P4HA1: variants seen among roughly 807,000 people sequenced by gnomAD.
The protein encoded by P4HA1 is prolyl 4-hydroxylase subunit alpha 1, also known as prolyl 4-hydroxylase subunit alpha-1.
Under a neutral mutation model 72.8 loss-of-function variants are expected in P4HA1, and 24 were observed. The ratio of observed to expected loss-of-function variants is 0.33; its 90% CI spans 0.24 to 0.46. The LOEUF (loss-of-function observed/expected upper bound fraction) is 0.46. P4HA1 is among the 20% of genes least tolerant of loss of function. The pLI is 1.00. For missense variants in P4HA1, 446 were observed against 640.6 expected (o/e 0.70, Z 3.28); for synonymous variants, 201 against 218.8 (o/e 0.92, Z 0.72).
Position 73,023,566 on chromosome 10 carries a change from T to C in P4HA1, c.1249-6667A>G, listed in dbSNP as rs547274872. Among the ~76,000 whole-genome samples the C allele has an allele frequency of 2.0e-3, 304 of 152,234 alleles. 3 individuals are homozygous for C. The highest frequency in any genetic ancestry group is 7.0e-3 in the African/African-American group (292 of 41,564). On this transcript the variant is annotated intron_variant, in intron 10 of 14. Transcript: ENST00000394890. ...CATGCCAAATTATAAAGACCATCGA[T>C]GCTATGAAGAAACCGCATCAATTAA...
intron 1 of P4HA1, among the ~76,000 whole-genome samples, chr10:73,093,210 A>G (rs1438569114): frequency 2.6e-5 from 4 of 152,230 alleles, no homozygotes; most frequent in East Asian, 1.9e-4. Flanking sequence ...ATATGGACAC[A>G]TTTTTATGAA....
chr10:73,057,957 A>C lies in P4HA1; in HGVS notation c.464-4367T>G, dbSNP rs573881541. 4.0e-4 allele frequency among the ~76,000 whole-genome samples: 60 copies of C among 151,826 alleles called. 1 individual carries two copies. The South Asian group carries it at 0.013, about 32-fold the overall frequency. ...ATACAAAAAATTAGCCGGGCATGGT[A>C]GCACACGCCTGTAATTCCAACTACT... On this transcript the variant is annotated intron_variant, in intron 5 of 14. Coordinates refer to ENST00000394890, the MANE Select transcript of P4HA1 (RefSeq NM_001017962.3).
rs1183408810 is a variant in P4HA1 at position 73,007,403 on chromosome 10, A to G, written c.*819T>C. On this transcript the variant is annotated 3_prime_UTR_variant, in exon 15 of 15. Transcript: ENST00000394890. The stretch of plus-strand genomic sequence containing the variant: ...TCCTAAGGCACAGTATTTAATCAGA[A>G]TGCCAATATTACCACCCTGCTGTAG... 2 of 152,618 alleles carry G rather than the reference A, an allele frequency of 1.3e-5. No individual in the cohort carries two copies. The highest frequency in any genetic ancestry group is 4.8e-5 in the African/African-American group (2 of 41,446). The allele number at this position is 152,618 out of a possible 1,614,324, so 9.5% of individuals were successfully genotyped here.
chr10:73,045,230 G>T lies in P4HA1; in HGVS notation c.1078-179C>A, dbSNP rs534229631. On this transcript the variant is annotated intron_variant, in intron 8 of 14. Coordinates refer to ENST00000394890, the MANE Select transcript of P4HA1 (RefSeq NM_001017962.3). ...CCAGTTAGTTTTTTAGGTTTTTGGG[G>T]TTTTTTTTTTTTCTTCAATTTTTTG... Among the ~76,000 whole-genome samples the T allele has an allele frequency of 4.1e-3, 589 of 145,258 alleles. 1 individual carries two copies. Among genetic ancestry groups the T allele is most frequent in the African/African-American group, 0.01 (414 of 39,990 alleles).
chr10:73,052,333 C>T (rs1243959334), intron 6 of P4HA1, among the ~76,000 whole-genome samples: 1 of 152,154 alleles, frequency 6.6e-6, no homozygotes, highest in Non-Finnish European at 1.5e-5. Flanking sequence ...TCAGAAACTG[C>T]TCACAATAAA....
At chr10:73,091,079 AAAAAAG>A (rs1842019900) in intron 1 of P4HA1, among the ~76,000 whole-genome samples, 1 of 145,396 alleles carries the variant, frequency 6.9e-6, no homozygotes, top group Non-Finnish European at 1.5e-5. Flanking sequence ...AAAAAAAAAA[AAAAAAG>A]AAGTAACTAA....
intron 9 of P4HA1, among the ~76,000 whole-genome samples, 167 bp from the exon 10 acceptor site, chr10:73,030,537 A>C (rs753389964): frequency 1.3e-5 from 2 of 151,886 alleles, no homozygotes; most frequent in Non-Finnish European, 2.9e-5. Context: ...GGATATTGTA[A>C]TTTTTTTTAA....
rs1027893938 is a variant in P4HA1 at position 73,007,262 on chromosome 10, C to T, written c.*960G>A. ...GATCATAAATAGGTCATTGTTGTCA[C>T]AACACATTTCAGAATCTTAAAAAAA... On this transcript the variant is annotated 3_prime_UTR_variant, in exon 15 of 15. Transcript: ENST00000394890. The T allele has an allele frequency of 4.6e-5, 7 of 151,552 alleles. No individual in the cohort carries two copies. The highest frequency in any genetic ancestry group is 1.7e-4 in the African/African-American group (7 of 40,478). 9.4% of individuals were successfully genotyped at this position (151,552 alleles called of 1,614,324 possible).
chr10:73,088,192 C>G (rs1841961251), intron 1 of P4HA1, among the ~76,000 whole-genome samples: 1 of 152,168 alleles, frequency 6.6e-6, no homozygotes, highest in Non-Finnish European at 1.5e-5. Context: ...CAGACCCGGC[C>G]TACGAACCAT....
intron 11 of P4HA1, among the ~76,000 whole-genome samples, chr10:73,015,664 A>G (rs1406354150): frequency 6.6e-6 from 1 of 152,174 alleles, no homozygotes; most frequent in Non-Finnish European, 1.5e-5. Flanking sequence ...AGCAGCCTAC[A>G]CTGTGGCAGA....
At chr10:73,085,247 T>G (rs921220532) in intron 1 of P4HA1, among the ~76,000 whole-genome samples, 11 of 152,026 alleles carry the variant, frequency 7.2e-5, no homozygotes, top group South Asian at 2.1e-4. Context: ...GCCAAAGAAA[T>G]AAATAAATTG....
intron 1 of P4HA1, among the ~76,000 whole-genome samples, chr10:73,079,116 T>G (rs1332117646): frequency 6.6e-6 from 1 of 152,240 alleles, no homozygotes; most frequent in Admixed American, 6.5e-5. Flanking sequence ...ATGTTCCATC[T>G]TGTAGTTCTA....
intron 1 of P4HA1, among the ~76,000 whole-genome samples, chr10:73,085,243 G>T (rs1564638207): frequency 6.6e-6 from 1 of 152,074 alleles, no homozygotes; most frequent in Admixed American, 6.5e-5. Context: ...AGAAGCCAAA[G>T]AAATAAATAA....
chr10:73,035,100 TG>T (rs1200232364), intron 9 of P4HA1, among the ~76,000 whole-genome samples: 2 of 152,190 alleles, frequency 1.3e-5, no homozygotes, highest in Non-Finnish European at 2.9e-5. Context: ...TAAATTATTT[TG>T]GGTATGTACC....
At position 73,010,913 on chromosome 10, in the gene P4HA1, G is replaced by C; in HGVS notation, c.1437+56C>G. The C allele has an allele frequency of 3.4e-6, 4 of 1,188,864 alleles. No homozygotes were observed. In the Admixed American group the frequency reaches 7.2e-5, roughly 21 times the overall value. The allele number at this position is 1,188,864 out of a possible 1,614,324, so 73.6% of individuals were successfully genotyped here. On this transcript the variant is annotated intron_variant, in intron 13 of 14. Coordinates refer to ENST00000394890, the MANE Select transcript of P4HA1 (RefSeq NM_001017962.3). ...CATTAATTAGACCATGAATACAAGTGCATCTCTTCCTTAGGGAAAAAATTA... is the reference window on the plus strand; with the variant it reads ...CATTAATTAGACCATGAATACAAGTCCATCTCTTCCTTAGGGAAAAAATTA...
At chr10:73,014,392 A>T (rs1314495600) in intron 11 of P4HA1, 103 bp from the exon 12 acceptor site, 12 of 830,390 alleles carry the variant, frequency 1.4e-5, no homozygotes, top group Non-Finnish European at 1.6e-5. Context: ...GAATATGCCA[A>T]CAACAACCGC....
chr10:73,067,434 A>G (rs1841452195), intron 5 of P4HA1, among the ~76,000 whole-genome samples: 1 of 152,152 alleles, frequency 6.6e-6, no homozygotes, highest in African/African-American at 2.4e-5. Context: ...TGCACTCAGG[A>G]CAGTTCAATC....
At chr10:73,070,528 GAC>G (rs916489986) in intron 4 of P4HA1, among the ~76,000 whole-genome samples, 1 of 152,014 alleles carries the variant, frequency 6.6e-6, no homozygotes, top group African/African-American at 2.4e-5. Context: ...TCTTTTTAGA[GAC>G]AGAGTCTTGC....
At chr10:73,013,957 CAG>C (rs539542251) in intron 12 of P4HA1, among the ~76,000 whole-genome samples, 178 of 152,144 alleles carry the variant, frequency 1.2e-3, no homozygotes, top group African/African-American at 4.3e-3. Flanking sequence ...TATTACTAAA[CAG>C]AGAGACTATA....
Sources: allele counts gnomAD v4.1 joint callset (sites outside exome capture counted in the v4.1 genomes callset), GRCh38; gene constraint gnomAD v4.1.1; transcripts MANE v1.5; gene names NCBI Gene and HGNC (gene_info 2026-07-23, HGNC 2026-07-21).